Variants in GCN1 observed in about 807,000 individuals in gnomAD.
The protein encoded by GCN1 is stalled ribosome sensor GCN1.
Under a neutral mutation model 288.4 loss-of-function variants are expected in GCN1, and 90 were observed. The ratio of observed to expected loss-of-function variants is 0.31; its 90% CI spans 0.26 to 0.37. The LOEUF is 0.37. Ranked by LOEUF, GCN1 falls within the 10% of genes least tolerant of loss-of-function variation. GCN1 has a pLI of 1.00. For missense variants in GCN1, 2,586 were observed against 3,419.9 expected (o/e 0.76, Z 6.08); for synonymous variants, 1,386 against 1,420.2 (o/e 0.98, Z 0.54).
chr12:120,130,567 A>G, intron 56 of GCN1, 79 bp downstream of exon 56: 1 of 908,732 alleles, frequency 1.1e-6, no homozygotes, highest in Non-Finnish European at 1.8e-6. Context: ...TTGAGGGCGC[A>G]CTGCTGGTGG....
intron 14 of GCN1, among the ~76,000 whole-genome samples, 157 bp downstream of exon 14, chr12:120,173,496 A>G (rs1252134409): frequency 6.6e-5 from 10 of 152,242 alleles, no homozygotes; most frequent in Admixed American, 6.5e-4. Context: ...CTGAATTCGG[A>G]TTTTGGGCTA....
In GCN1 at chr12:120,178,948, C is replaced by T. The variant is rs1231007354; in HGVS notation, c.429G>A (p.Val143=). The change falls in exon 6 of 58, where the codon GTG becomes GTA. Residue 143 remains valine (V), a splice_region_variant and synonymous_variant. Transcript: ENST00000300648. ...CCAGCAAGAGCAGGCACTGCACTTC[C>T]ACCTGCCAGGACCAGGGAAGACTCA... is the stretch of plus-strand genomic sequence containing the variant. ...KRQGDIWNKL[V]EVQCLLLLEV... The T allele has an allele frequency of 6.2e-7, 1 of 1,612,874 alleles. No individual in the cohort carries two copies. The highest frequency in any genetic ancestry group is 8.5e-7 in the Non-Finnish European group (1 of 1,179,646).
At chr12:120,166,479 C>A (rs377680885) in intron 16 of GCN1, among the ~76,000 whole-genome samples, 3 of 148,898 alleles carry the variant, frequency 2.0e-5, no homozygotes, top group Admixed American at 6.7e-5. Flanking sequence ...CCAAGGTGGG[C>A]GGATCATGAG....
chr12:120,150,145 T>C (rs1877493590), intron 34 of GCN1, 102 bp from the exon 35 acceptor site: 1 of 1,169,176 alleles, frequency 8.6e-7, no homozygotes, highest in Non-Finnish European at 1.2e-6. Flanking sequence ...CCCACCCCTC[T>C]GGAAACACTC....
chr12:120,130,736 G>A lies in GCN1; in HGVS notation c.7581C>T (p.Ser2527=), dbSNP rs1013408512. The change falls in exon 56 of 58, where the codon AGC becomes AGT. Residue 2527 remains serine, a synonymous_variant. Transcript: ENST00000300648. The stretch of plus-strand genomic sequence containing the variant: ...TGAGAAAGCCCATGCCCCGGACCCC[G>A]CTCACCGCAATGGGGATCTGTGGAG... ...ATADRIPIAV[S]GVRGMGFLMR... 24 of 1,611,738 alleles carry A rather than the reference G, an allele frequency of 1.5e-5. No individual in the cohort carries two copies. The highest frequency in any genetic ancestry group is 2.0e-5 in the Non-Finnish European group (23 of 1,178,186).
At chr12:120,160,816 G>A (rs938906151) in intron 22 of GCN1, among the ~76,000 whole-genome samples, 9 of 152,202 alleles carry the variant, frequency 5.9e-5, no homozygotes, top group Non-Finnish European at 7.3e-5. Flanking sequence ...TCTAGCAGGC[G>A]AAGATAGATA....
chr12:120,159,484 G>T (rs1386082877), intron 24 of GCN1, among the ~76,000 whole-genome samples: 1 of 152,212 alleles, frequency 6.6e-6, no homozygotes, highest in African/African-American at 2.4e-5. Flanking sequence ...TCATGTGGCT[G>T]TTCAGGAGAT....
intron 23 of GCN1, 33 bp downstream of exon 23, chr12:120,160,109 C>A: frequency 6.3e-7 from 1 of 1,593,028 alleles, no homozygotes; most frequent in Non-Finnish European, 8.6e-7. Context: ...AGCACTCTTC[C>A]GGCTTGAGCA....
At chr12:120,136,096 C>T (rs537770435) in intron 51 of GCN1, among the ~76,000 whole-genome samples, 27 of 152,154 alleles carry the variant, frequency 1.8e-4, no homozygotes, top group South Asian at 6.2e-4. Flanking sequence ...CTTGTATTTA[C>T]GTGGTCCTGA....
chr12:120,152,397 A>G (rs1339485446), intron 33 of GCN1, among the ~76,000 whole-genome samples: 8 of 135,762 alleles, frequency 5.9e-5, no homozygotes, highest in Non-Finnish European at 1.1e-4. Flanking sequence ...GCGCACACAC[A>G]CACACACACA....
intron 15 of GCN1, 94 bp from the exon 16 acceptor site, chr12:120,168,394 G>A: frequency 1.3e-6 from 1 of 793,566 alleles, no homozygotes; most frequent in Non-Finnish European, 2.2e-6. Flanking sequence ...GGGCTTTGCT[G>A]ACAAACCCTC....
Position 120,142,819 on chromosome 12 carries a change from G to C in GCN1, c.5613+5C>G. On this transcript the variant is annotated splice_donor_5th_base_variant and intron_variant, in intron 43 of 57. Coordinates refer to ENST00000300648, the MANE Select transcript of GCN1 (RefSeq NM_006836.2). The surrounding 1 kb of genome is among the most constrained non-coding windows in gnomAD (Gnocchi z 4.9). Reference sequence around the variant, plus strand: ...CAGCAGGGGCAGGAAAGCCACTGCAGGCACCTTGTTGGACTGGGCAGTTCC... The same window carrying C: ...CAGCAGGGGCAGGAAAGCCACTGCACGCACCTTGTTGGACTGGGCAGTTCC... The C allele has an allele frequency of 1.9e-6, 3 of 1,607,228 alleles. No individual in the cohort carries two copies. The highest frequency in any genetic ancestry group is 2.6e-6 in the Non-Finnish European group (3 of 1,173,666).
rs759519074 is a variant in GCN1, at chr12:120,137,067, C to A, written c.6777+139G>T. On this transcript the variant is annotated intron_variant, in intron 50 of 57. Transcript: ENST00000300648. This position sits in a 1 kb window ranked among gnomAD's most constrained non-coding sequence, Gnocchi z 5.2. Reference sequence around the variant, plus strand: ...TCTGACTGCCATGGAAGAAAACATGCTGTCTGCGAAGGTGCTGAACACCAA... The same window carrying A: ...TCTGACTGCCATGGAAGAAAACATGATGTCTGCGAAGGTGCTGAACACCAA... 9.2e-4 allele frequency: 623 copies of A among 678,270 alleles called. No homozygotes were observed. The highest frequency in any genetic ancestry group is 1.3e-3 in the Non-Finnish European group (480 of 377,622). The allele number at this position is 678,270 out of a possible 1,614,324, so 42.0% of individuals were successfully genotyped here. A position where few individuals can be genotyped will look rare whatever the true frequency, so the allele number is the denominator to read the frequency against.
In GCN1 at chr12:120,150,730, G is replaced by A. The variant is rs192746746; in HGVS notation, c.4309+415C>T. The stretch of plus-strand genomic sequence containing the variant: ...AGGCGGACAGATCACGAGGTCAGGA[G>A]ATCGAGACCATCCTGGCTAACACGG... On this transcript the variant is annotated intron_variant, in intron 34 of 57. Transcript: ENST00000300648. 3.1e-3 allele frequency among the ~76,000 whole-genome samples: 471 copies of A among 152,106 alleles called. 2 individuals are homozygous for A. The highest frequency in any genetic ancestry group is 0.011 in the African/African-American group (451 of 41,496).
chr12:120,155,132 CTGAGCCACCG>C lies in GCN1; in HGVS notation c.3630+99_3631-93del. 2 of 1,522,742 alleles carry C rather than the reference CTGAGCCACCG, an allele frequency of 1.3e-6. No individual in the cohort carries two copies. Among genetic ancestry groups the C allele is most frequent in the South Asian group, 2.2e-5 (2 of 89,134 alleles). The allele number at this position is 1,522,742 out of a possible 1,614,324, so 94.3% of individuals were successfully genotyped here. A position where few individuals can be genotyped will look rare whatever the true frequency, so the allele number is the denominator to read the frequency against. On this transcript the variant is annotated intron_variant, in intron 30 of 57. Coordinates refer to ENST00000300648, the MANE Select transcript of GCN1 (RefSeq NM_006836.2). The surrounding 1 kb of genome is among the most constrained non-coding windows in gnomAD (Gnocchi z 4.9). Reference sequence around the variant, plus strand: ...AGGCAGGAAACTAGCCGCAGCTACCCTGAGCCACCGTGAGCCCCGAGATTCCTGTCTGGAG... The same window carrying C: ...AGGCAGGAAACTAGCCGCAGCTACCCTGAGCCCCGAGATTCCTGTCTGGAG...
chr12:120,129,552 A>G, intron 56 of GCN1, 58 bp from the exon 57 acceptor site: 1 of 1,278,734 alleles, frequency 7.8e-7, no homozygotes, highest in South Asian at 1.2e-5. Context: ...TCCTTGAAGC[A>G]GCCCAAATGC....
chr12:120,162,842 G>A lies in GCN1; in HGVS notation c.2163+5C>T, dbSNP rs1007922513. Reference sequence around the variant, plus strand: ...TGAGGCCAGACCAGCTCATGTGCCCGTCACCTGGTTTAGGGGACTCTGTGT... The same window carrying A: ...TGAGGCCAGACCAGCTCATGTGCCCATCACCTGGTTTAGGGGACTCTGTGT... On this transcript the variant is annotated splice_donor_5th_base_variant and intron_variant, in intron 20 of 57. Coordinates refer to ENST00000300648, the MANE Select transcript of GCN1 (RefSeq NM_006836.2). 48 of 1,613,472 alleles carry A rather than the reference G, an allele frequency of 3.0e-5. No homozygotes were observed. The highest frequency in any genetic ancestry group is 9.9e-5 in the South Asian group (9 of 91,060).
Position 120,134,839 on chromosome 12 carries a change from T to TGTATGAGAGCTGGA in GCN1, c.7009-114_7009-113insTCCAGCTCTCATAC. The TGTATGAGAGCTGGA allele has an allele frequency of 3.4e-6, 3 of 889,586 alleles. No homozygotes were observed. Among genetic ancestry groups the TGTATGAGAGCTGGA allele is most frequent in the Non-Finnish European group, 5.4e-6 (3 of 557,986 alleles). 55.1% of individuals were successfully genotyped at this position (889,586 alleles called of 1,614,324 possible). On this transcript the variant is annotated intron_variant, in intron 51 of 57. Coordinates refer to ENST00000300648, the MANE Select transcript of GCN1 (RefSeq NM_006836.2). The surrounding 1 kb of genome is among the most constrained non-coding windows in gnomAD (Gnocchi z 5.0). ...CAAACCACCACAGCGAGTCCAGCTC[T>TGTATGAGAGCTGGA]CATACAGGGCTGGGGACAGATAGCC...
rs192221074 is a variant in GCN1, at chr12:120,144,628, A to C, written c.5352+11T>G. On this transcript the variant is annotated intron_variant, in intron 41 of 57. Transcript: ENST00000300648. The surrounding 1 kb of genome is among the most constrained non-coding windows in gnomAD (Gnocchi z 4.7). ...CAAGGACTCTACCCTTGCCAAGGTC[A>C]TGGTACCTACTTTGAGGATACAGGG... 6.2e-7 allele frequency: 1 copy of C among 1,611,406 alleles called. No individual in the cohort carries two copies. The highest frequency in any genetic ancestry group is 1.7e-5 in the Admixed American group (1 of 60,022).
Sources: gnomAD v4.1 joint callset for allele counts (sites outside exome capture counted in the v4.1 genomes callset) on GRCh38, gnomAD v4.1.1 for gene constraint, Gnocchi (gnomAD v3.1) non-coding constraint, MANE v1.5 for transcripts, NCBI Gene and HGNC (gene_info 2026-07-23, HGNC 2026-07-21) for gene names.